Variants in ENO4 observed in about 807,000 individuals in gnomAD.
The protein encoded by ENO4 is enolase 4, also known as 2-phospho-D-glycerate hydro-lyase.
In ENO4, 53 loss-of-function variants were observed where a neutral mutation model predicts 63.2. The ratio of observed to expected loss-of-function variants is 0.84; its 90% CI spans 0.67 to 1.05. The LOEUF is 1.05. Ranked by LOEUF, ENO4 falls within the 50% of genes least tolerant of loss-of-function variation. The pLI, the probability that ENO4 is intolerant of heterozygous loss-of-function variation, is 0.00. For synonymous variants in ENO4, 266 were observed against 283.8 expected, an observed-to-expected ratio of 0.94 and a Z score of 0.63; for missense variants, 719 against 772.0, an observed-to-expected ratio of 0.93 and a Z score of 0.81.
At chr10:116,868,436 ACACATTC>A in intron 7 of ENO4, 1 of 682,472 alleles carries the variant, frequency 1.5e-6, no homozygotes, top group Non-Finnish European at 2.7e-6. Flanking sequence ...ACTAAAGGAA[ACACATTC>A]CTGAATTTGA....
At chr10:116,860,703 T>A (rs1846386332) in intron 4 of ENO4, 91 bp from the exon 5 acceptor site, 1 of 1,007,472 alleles carries the variant, frequency 9.9e-7, no homozygotes, top group African/African-American at 1.6e-5. Flanking sequence ...GTTCCCAGCC[T>A]CGGCTTTCAT....
rs1220911786 is a variant in ENO4 at position 116,861,043 on chromosome 10, T to C, written c.805-16T>C. The C allele has an allele frequency of 1.3e-5, 20 of 1,545,242 alleles. No individual in the cohort carries two copies. The highest frequency in any genetic ancestry group is 3.3e-4 in the Middle Eastern group (2 of 5,984). Reference sequence around the variant, plus strand: ...AACCCTGTTTCTCATTTTCCCTCGTTTTCCCCCTATTTCAGGAACAGCCAA... The same window carrying C: ...AACCCTGTTTCTCATTTTCCCTCGTCTTCCCCCTATTTCAGGAACAGCCAA... On this transcript the variant is annotated splice_polypyrimidine_tract_variant and intron_variant, in intron 5 of 13. Coordinates refer to ENST00000341276, the MANE Select transcript of ENO4 (RefSeq NM_001242699.2).
intron 10 of ENO4, among the ~76,000 whole-genome samples, chr10:116,895,163 A>G (rs1179521804): frequency 6.6e-6 from 1 of 152,212 alleles, no homozygotes. Context: ...CCTTTGTATT[A>G]TCATATTATC....
At chr10:116,884,224 T>G (rs1340981496), downstream of ENO4, 2 of 457,708 alleles carry the variant, frequency 4.4e-6, no homozygotes, top group East Asian at 1.4e-4. Context: ...GGTTCTCCTA[T>G]GTCTTCCTAT....
chr10:116,867,695 G>T lies in ENO4; in HGVS notation c.991-955G>T, dbSNP rs150383773. 1.1e-4 allele frequency among the ~76,000 whole-genome samples: 17 copies of T among 152,210 alleles called. No homozygotes were observed. The East Asian group carries it at 3.3e-3, about 29-fold the overall frequency. On this transcript the variant is annotated intron_variant, in intron 7 of 13. Coordinates refer to ENST00000341276, the MANE Select transcript of ENO4 (RefSeq NM_001242699.2). Reference sequence around the variant, plus strand: ...GATGTCACAGGTTGTTTTTTTCCCTGGTTATTTTTTGCTGTTGCAAGGCCC... The same window carrying T: ...GATGTCACAGGTTGTTTTTTTCCCTTGTTATTTTTTGCTGTTGCAAGGCCC...
intron 7 of ENO4, among the ~76,000 whole-genome samples, chr10:116,865,304 C>T (rs1033974630): frequency 2.0e-5 from 3 of 152,138 alleles, no homozygotes; most frequent in Non-Finnish European, 4.4e-5. Flanking sequence ...TCTCCTGCCT[C>T]AGCCTCCTGA....
At chr10:116,883,211 A>G (rs1847072111), downstream of ENO4, 2 of 152,298 alleles carry the variant, frequency 1.3e-5, no homozygotes, top group South Asian at 4.1e-4. Flanking sequence ...TTAGCATTTT[A>G]ATTTAAATTT....
chr10:116,849,792 G>C, intron 1 of ENO4, 61 bp downstream of exon 1: 2 of 1,452,474 alleles, frequency 1.4e-6, no homozygotes, highest in South Asian at 1.4e-5. Flanking sequence ...CCCGCGCTGC[G>C]GCAACGCCTT....
chr10:116,869,570 G>A (rs926885058), intron 8 of ENO4, among the ~76,000 whole-genome samples: 9 of 152,176 alleles, frequency 5.9e-5, no homozygotes, highest in African/African-American at 2.2e-4. Flanking sequence ...AACACATACA[G>A]CGGTAAGTAA....
At chr10:116,904,002 T>C (rs1018372346) in intron 10 of ENO4, among the ~76,000 whole-genome samples, 1 of 152,214 alleles carries the variant, frequency 6.6e-6, no homozygotes, top group Non-Finnish European at 1.5e-5. Context: ...GTTAAATGCC[T>C]AAGAAAAATC....
At chr10:116,905,419 T>TA (rs1432228029) in intron 10 of ENO4, among the ~76,000 whole-genome samples, 1 of 152,092 alleles carries the variant, frequency 6.6e-6, no homozygotes, top group East Asian at 1.9e-4. Flanking sequence ...GGGGGCACAG[T>TA]AGGAGGGGAG....
intron 7 of ENO4, among the ~76,000 whole-genome samples, chr10:116,867,546 G>A (rs745878592): frequency 3.3e-5 from 5 of 152,122 alleles, no homozygotes; most frequent in South Asian, 2.1e-4. Flanking sequence ...ACATGACTGT[G>A]CCACTGTACT....
chr10:116,902,177 C>T (rs1324677495), intron 10 of ENO4, among the ~76,000 whole-genome samples: 1 of 152,170 alleles, frequency 6.6e-6, no homozygotes, highest in Non-Finnish European at 1.5e-5. Context: ...TGTGTACAGA[C>T]CTTTAAGAAA....
intron 10 of ENO4, among the ~76,000 whole-genome samples, chr10:116,908,710 C>T (rs1848071815): frequency 6.6e-6 from 1 of 152,182 alleles, no homozygotes; most frequent in African/African-American, 2.4e-5. Flanking sequence ...ACATACCTTT[C>T]AAGGATATCT....
At chr10:116,898,264 G>A (rs1370744456) in intron 10 of ENO4, among the ~76,000 whole-genome samples, 1 of 151,766 alleles carries the variant, frequency 6.6e-6, no homozygotes. Flanking sequence ...GGTGGCGGAG[G>A]TTGCAGTGAG....
intron 7 of ENO4, among the ~76,000 whole-genome samples, chr10:116,863,500 C>T (rs1451915493): frequency 6.6e-6 from 1 of 152,210 alleles, no homozygotes; most frequent in Non-Finnish European, 1.5e-5. Flanking sequence ...CTACTAATAA[C>T]TAACTCCAGA....
chr10:116,908,587 A>C (rs1848066906), intron 10 of ENO4, among the ~76,000 whole-genome samples: 1 of 152,208 alleles, frequency 6.6e-6, no homozygotes, highest in East Asian at 1.9e-4. Context: ...TCACTACTAA[A>C]ATAAGTTGTA....
intron 3 of ENO4, among the ~76,000 whole-genome samples, chr10:116,858,778 A>G (rs1220988945): frequency 1.3e-5 from 2 of 152,230 alleles, no homozygotes; most frequent in Non-Finnish European, 2.9e-5. Context: ...TTAAACATTT[A>G]TTTCCATGCC....
At chr10:116,904,195 T>G (rs562527898) in intron 10 of ENO4, among the ~76,000 whole-genome samples, 2 of 152,326 alleles carry the variant, frequency 1.3e-5, no homozygotes, top group South Asian at 4.1e-4. Context: ...TTCAAGTACC[T>G]GAGACACCAA....
Sources: allele counts gnomAD v4.1 joint callset (sites outside exome capture counted in the v4.1 genomes callset), GRCh38; gene constraint gnomAD v4.1.1; transcripts MANE v1.5; gene names NCBI Gene and HGNC (gene_info 2026-07-23, HGNC 2026-07-21).